The following HPSE2 variants were observed in gnomAD, a reference collection of about 807,000 sequenced individuals.
HPSE2 encodes heparanase 2 (inactive), also known as inactive heparanase-2.
A neutral mutation model predicts 60.5 loss-of-function variants in HPSE2; 38 were observed. The observed-to-expected ratio is 0.63, with a 90% CI of 0.48 to 0.82. The LOEUF (loss-of-function observed/expected upper bound fraction) is 0.82. Among genes scored for constraint, HPSE2 ranks in the 40% least tolerant of loss-of-function variants. The pLI is 0.00. For synonymous variants in HPSE2, 295 were observed against 293.2 expected (o/e 1.01, Z -0.06); for missense variants, 713 against 740.4 (o/e 0.96, Z 0.43).
At chr10:98,953,666 G>A (rs75814392) in intron 3 of HPSE2, among the ~76,000 whole-genome samples, 2,330 of 152,226 alleles carry the variant, frequency 0.015, 59 homozygotes, top group African/African-American at 0.053. Flanking sequence ...ATATTTGTAT[G>A]CTACGTGGCA....
intron 9 of HPSE2, among the ~76,000 whole-genome samples, chr10:98,532,489 AG>A (rs1440241558): frequency 2.0e-5 from 3 of 152,306 alleles, no homozygotes; most frequent in Admixed American, 1.3e-4. Context: ...TGCCTACCTC[AG>A]GGGGTTACTG....
At chr10:98,838,821 T>C (rs1729203756) in intron 3 of HPSE2, among the ~76,000 whole-genome samples, 1 of 152,134 alleles carries the variant, frequency 6.6e-6, no homozygotes, top group African/African-American at 2.4e-5. Flanking sequence ...CATTTCCCCA[T>C]CTTATCCATG....
chr10:99,270,464 C>T, the HPSE2 span, among the ~76,000 whole-genome samples: 7 of 152,048 alleles, frequency 4.6e-5, no homozygotes, highest in Non-Finnish European at 8.8e-5. Flanking sequence ...CTGAGCAGAC[C>T]AATAACAAGC....
At chr10:99,011,056 A>C (rs1223694384) in intron 3 of HPSE2, among the ~76,000 whole-genome samples, 1 of 151,428 alleles carries the variant, frequency 6.6e-6, no homozygotes, top group Non-Finnish European at 1.5e-5. Context: ...GTTCCTCTCT[A>C]TGTGTCCATG....
chr10:98,609,820 T>C lies in HPSE2; in HGVS notation c.1320+5084A>G, dbSNP rs35671237. Among the ~76,000 whole-genome samples the C allele has an allele frequency of 2.9e-3, 437 of 149,786 alleles. 4 individuals are homozygous for C. The highest frequency in any genetic ancestry group is 0.028 in the Middle Eastern group (8 of 290). On this transcript the variant is annotated intron_variant, in intron 9 of 11. Transcript: ENST00000370552. ...TTTCCTATGATGCCTTCTAATTAGG[T>C]GGTGTTCTTCTTCTTCTTCTTTTTT... is the stretch of plus-strand genomic sequence containing the variant.
chr10:98,664,032 C>T (rs1470975390), intron 6 of HPSE2, among the ~76,000 whole-genome samples: 3 of 152,174 alleles, frequency 2.0e-5, no homozygotes, highest in South Asian at 2.1e-4. Flanking sequence ...GAGTGGGACT[C>T]GCTGGCTCGG....
intron 9 of HPSE2, among the ~76,000 whole-genome samples, chr10:98,591,768 T>C (rs1233589125): frequency 1.3e-5 from 2 of 152,192 alleles, no homozygotes. Context: ...GAAAGCCCCT[T>C]TGCATTTCCT....
chr10:98,605,069 C>G (rs564466728), intron 9 of HPSE2, among the ~76,000 whole-genome samples: 1 of 152,208 alleles, frequency 6.6e-6, no homozygotes, highest in South Asian at 2.1e-4. Flanking sequence ...CTGCCAATGA[C>G]GTCTTGTTGC....
intron 2 of HPSE2, among the ~76,000 whole-genome samples, chr10:99,145,280 C>A (rs756552505): frequency 7.2e-5 from 11 of 152,038 alleles, no homozygotes; most frequent in Non-Finnish European, 1.6e-4. Context: ...TATGGTGAAA[C>A]CCTGTATCTA....
intron 9 of HPSE2, among the ~76,000 whole-genome samples, chr10:98,523,767 G>T (rs1942872906): frequency 6.6e-6 from 1 of 152,106 alleles, no homozygotes; most frequent in African/African-American, 2.4e-5. Context: ...TTATGATTAG[G>T]AATTAAAGTC....
rs184895152 is a variant in HPSE2, at chr10:98,821,501, C to G, written c.611-77445G>C. On this transcript the variant is annotated intron_variant, in intron 3 of 11. Coordinates refer to ENST00000370552, the MANE Select transcript of HPSE2 (RefSeq NM_021828.5). ...GTGGTCAGTTGACAAAAATGTGCAG[C>G]ACATGACTACATGCAGCACGTGACT... Among the ~76,000 whole-genome samples, 169 of 152,274 alleles carry G rather than the reference C, an allele frequency of 1.1e-3. 3 individuals carry two copies. Among genetic ancestry groups the G allele is most frequent in the African/African-American group, 3.8e-3 (157 of 41,576 alleles).
At position 99,232,505 on chromosome 10, in the gene HPSE2, G is replaced by A; in HGVS notation, c.291C>T (p.Ser97=). 6.4e-7 allele frequency: 1 copy of A among 1,553,130 alleles called. No homozygotes were observed. Among genetic ancestry groups the A allele is most frequent in the African/African-American group, 1.4e-5 (1 of 73,256 alleles). The part of the protein sequence containing the change: ...IIHDGWLDFL[S]SKRLVTLARG... ...GGGCCAGGGTCACCAAGCGCTTGGAGCTGCAGAGGAAGAGAATAAGAGAGG... is the reference window on the plus strand; with the variant it reads ...GGGCCAGGGTCACCAAGCGCTTGGAACTGCAGAGGAAGAGAATAAGAGAGG... Residue 97 remains serine, a splice_region_variant and synonymous_variant, in exon 2 of 12, where the codon AGC becomes AGT. Transcript: ENST00000370552.
chr10:98,920,911 C>A (rs369828499), intron 3 of HPSE2, among the ~76,000 whole-genome samples: 3 of 152,164 alleles, frequency 2.0e-5, no homozygotes, highest in Admixed American at 2.0e-4. Flanking sequence ...GCCTTTCCTG[C>A]TGCAAACAGC....
chr10:99,106,352 T>C (rs918305002), intron 3 of HPSE2, among the ~76,000 whole-genome samples: 5 of 152,112 alleles, frequency 3.3e-5, no homozygotes, highest in Admixed American at 6.6e-5. Flanking sequence ...TTTATCAGAA[T>C]GAAGTTTCTT....
At position 99,186,542 on chromosome 10, in the gene HPSE2, C is replaced by CAAAAAAA. The variant is rs60186369; in HGVS notation, c.449-42150_449-42144dup. Among the ~76,000 whole-genome samples, 77 of 59,484 alleles carry CAAAAAAA rather than the reference C, an allele frequency of 1.3e-3. 4 individuals are homozygous for CAAAAAAA. The highest frequency in any genetic ancestry group is 1.9e-3 in the East Asian group (3 of 1,576). 39.0% of individuals were successfully genotyped at this position (59,484 alleles called of 152,430 possible). ...TAGGTGACAGAGTGAGACTCCATCT[C>CAAAAAAA]AAAAAAAAAAAAAAAAAAAAAAAAA... On this transcript the variant is annotated intron_variant, in intron 2 of 11. Coordinates refer to ENST00000370552, the MANE Select transcript of HPSE2 (RefSeq NM_021828.5).
At chr10:98,548,614 CT>C (rs1943766063) in intron 9 of HPSE2, among the ~76,000 whole-genome samples, 1 of 106,848 alleles carries the variant, frequency 9.4e-6, no homozygotes. Context: ...GAGACTCCAT[CT>C]CAAAAAAAAA....
chr10:98,771,957 G>T (rs1011461141), intron 3 of HPSE2, among the ~76,000 whole-genome samples: 1 of 152,204 alleles, frequency 6.6e-6, no homozygotes, highest in Non-Finnish European at 1.5e-5. Context: ...TTCCAGGGGA[G>T]AACCCAAAGG....
intron 7 of HPSE2, among the ~76,000 whole-genome samples, chr10:98,626,060 C>T (rs1201921389): frequency 6.7e-6 from 1 of 149,524 alleles, no homozygotes; most frequent in African/African-American, 2.5e-5. Flanking sequence ...GAGCCGAGAT[C>T]GCACCACTAC....
chr10:98,909,635 TA>T (rs770316849), intron 3 of HPSE2, among the ~76,000 whole-genome samples: 427 of 134,502 alleles, frequency 3.2e-3, no homozygotes, highest in African/African-American at 4.0e-3. Context: ...TCTCAAAATT[TA>T]AAAAAAAAAA....
Sources: allele counts gnomAD v4.1 joint callset (sites outside exome capture counted in the v4.1 genomes callset), GRCh38; gene constraint gnomAD v4.1.1; transcripts MANE v1.5; gene names NCBI Gene and HGNC (gene_info 2026-07-23, HGNC 2026-07-21).